Variants in CPXM2 observed in about 807,000 individuals in gnomAD.
CPXM2 encodes the protein carboxypeptidase X, M14 family member 2, also known as inactive carboxypeptidase-like protein X2.
Under a neutral mutation model 86.1 loss-of-function variants are expected in CPXM2, and 66 were observed. The observed-to-expected ratio is 0.77, with a 90% CI of 0.63 to 0.94. CPXM2 has a LOEUF of 0.94. Among genes scored for constraint, CPXM2 ranks in the 40% least tolerant of loss-of-function variants. The pLI, the probability that CPXM2 is intolerant of heterozygous loss-of-function variation, is 0.00. For missense variants in CPXM2, 948 were observed against 1,026.3 expected (o/e 0.92, Z 1.04); for synonymous variants, 388 against 400.2 (o/e 0.97, Z 0.36).
chr10:123,872,750 C>T (rs1428503797), intron 2 of CPXM2, among the ~76,000 whole-genome samples: 2 of 152,108 alleles, frequency 1.3e-5, no homozygotes, highest in East Asian at 1.9e-4. Context: ...AATGTACAGT[C>T]TGTGCAGAAC....
At chr10:123,750,970 G>A in intron 13 of CPXM2, 1 of 985,370 alleles carries the variant, frequency 1.0e-6, no homozygotes. Flanking sequence ...ATGCAGTGTT[G>A]GGCTGTTGTC....
chr10:123,846,996 T>G (rs1564795750), intron 3 of CPXM2, among the ~76,000 whole-genome samples: 1 of 152,188 alleles, frequency 6.6e-6, no homozygotes, highest in African/African-American at 2.4e-5. Context: ...ATTTCCTGAC[T>G]CAAAATTAAA....
chr10:123,841,738 C>T (rs536403219), intron 4 of CPXM2, among the ~76,000 whole-genome samples: 6 of 152,182 alleles, frequency 3.9e-5, no homozygotes, highest in East Asian at 1.9e-4. Context: ...TGTCATAAGA[C>T]GGAGGGTTTT....
intron 2 of CPXM2, among the ~76,000 whole-genome samples, chr10:123,867,640 C>A (rs1007246982): frequency 2.7e-5 from 4 of 147,276 alleles, no homozygotes; most frequent in African/African-American, 1.0e-4. Context: ...TCAAGCAATT[C>A]TCCTGCTTCA....
chr10:123,768,421 A>G, intron 9 of CPXM2, 105 bp downstream of exon 9: 4 of 522,910 alleles, frequency 7.6e-6, no homozygotes, highest in Non-Finnish European at 1.2e-5. Flanking sequence ...ATAAATAAAT[A>G]AAGCTCGGAA....
intron 2 of CPXM2, among the ~76,000 whole-genome samples, chr10:123,898,166 C>T (rs948872805): frequency 6.6e-6 from 1 of 152,132 alleles, no homozygotes; most frequent in Admixed American, 6.5e-5. Context: ...AACTAATGAA[C>T]CTAATGACTT....
At position 123,891,625 on chromosome 10, in the gene CPXM2, G is replaced by T. The variant is rs201350090; in HGVS notation, c.35C>A (p.Ala12Asp). ...CAGGGTCACTGCCAGGAGCACCAGGGCCAGCGCTGGGGTAGCGGTCCCCGG... is the reference window on the plus strand; with the variant it reads ...CAGGGTCACTGCCAGGAGCACCAGGTCCAGCGCTGGGGTAGCGGTCCCCGG... Reference protein sequence around the residue: ...SRPGTATPALALVLLAVTLAG... With the variant: ...SRPGTATPALDLVLLAVTLAG... Residue 12 changes from alanine (A) to aspartate (D), a missense_variant, in exon 1 of 14, where the codon GCC (alanine) becomes GAC (aspartate). Physicochemically the swap from Ala to Asp is moderately radical, Grantham distance 126. Transcript: ENST00000241305. The surrounding 1 kb of genome is among the most constrained non-coding windows in gnomAD (Gnocchi z 5.6). 8.1e-6 allele frequency: 12 copies of T among 1,479,700 alleles called. No individual in the cohort carries two copies. Among genetic ancestry groups the T allele is most frequent in the South Asian group, 2.7e-5 (2 of 73,586 alleles). 91.7% of individuals were successfully genotyped at this position (1,479,700 alleles called of 1,614,324 possible). A position where few individuals can be genotyped will look rare whatever the true frequency, so the allele number is the denominator to read the frequency against.
chr10:123,790,174 C>T (rs963223763), intron 6 of CPXM2, among the ~76,000 whole-genome samples: 14 of 151,976 alleles, frequency 9.2e-5, no homozygotes, highest in African/African-American at 3.1e-4. Context: ...GCCGGAGTGG[C>T]GGGAAAGGTG....
At chr10:123,800,888 G>T (rs1412627263) in intron 4 of CPXM2, among the ~76,000 whole-genome samples, 1 of 152,058 alleles carries the variant, frequency 6.6e-6, no homozygotes, top group East Asian at 1.9e-4. Context: ...ATATCCTCCT[G>T]CCTAGTTGAC....
At chr10:123,862,754 C>T (rs771204006) in intron 2 of CPXM2, 31 bp from the exon 3 acceptor site, 86 of 1,563,846 alleles carry the variant, frequency 5.5e-5, no homozygotes, top group East Asian at 3.8e-4. Flanking sequence ...TTAAAAACAA[C>T]GACAGATGCT....
At chr10:123,878,075 T>A (rs530164041) in intron 2 of CPXM2, among the ~76,000 whole-genome samples, 2 of 152,066 alleles carry the variant, frequency 1.3e-5, no homozygotes, top group East Asian at 3.9e-4. Context: ...GCAACCTGAG[T>A]AGATCCTGAC....
chr10:123,841,042 G>A (rs913794620), intron 4 of CPXM2, among the ~76,000 whole-genome samples: 8 of 152,336 alleles, frequency 5.3e-5, no homozygotes, highest in African/African-American at 1.7e-4. Context: ...GACTGCAGAC[G>A]GGAGGGATCT....
At chr10:123,868,050 G>A (rs1438843817) in intron 2 of CPXM2, among the ~76,000 whole-genome samples, 2 of 152,214 alleles carry the variant, frequency 1.3e-5, no homozygotes, top group East Asian at 3.8e-4. Context: ...CAGAGCCACA[G>A]GGGCTAGGGT....
chr10:123,852,605 T>C (rs559737858), intron 3 of CPXM2, among the ~76,000 whole-genome samples: 2 of 152,288 alleles, frequency 1.3e-5, no homozygotes, highest in East Asian at 1.9e-4. Flanking sequence ...CTCCCCTAAT[T>C]GGCTCACGGC....
intron 4 of CPXM2, among the ~76,000 whole-genome samples, chr10:123,802,404 T>C (rs999528177): frequency 1.3e-5 from 2 of 152,222 alleles, no homozygotes; most frequent in African/African-American, 4.8e-5. Context: ...TTGTCCTAGG[T>C]TTATAAAGGC....
chr10:123,847,891 T>C (rs940323753), intron 3 of CPXM2, among the ~76,000 whole-genome samples: 3 of 152,152 alleles, frequency 2.0e-5, no homozygotes, highest in Non-Finnish European at 2.9e-5. Context: ...TGATCTGCAC[T>C]GTACATATTT....
chr10:123,930,298 C>G (rs947673433), intron 2 of CPXM2, among the ~76,000 whole-genome samples: 1 of 152,266 alleles, frequency 6.6e-6, no homozygotes, highest in African/African-American at 2.4e-5. Context: ...TTGAGACTTT[C>G]TGTTTGCTCC....
At chr10:123,914,214 T>A in intron 2 of CPXM2, 1 of 395,364 alleles carries the variant, frequency 2.5e-6, no homozygotes, top group South Asian at 1.9e-5. Flanking sequence ...ATGAGTCTAC[T>A]TCTTAATCTC....
chr10:123,816,378 T>C (rs1165924324), intron 4 of CPXM2, among the ~76,000 whole-genome samples: 4 of 152,310 alleles, frequency 2.6e-5, no homozygotes, highest in South Asian at 2.1e-4. Flanking sequence ...TGGAAGCCTT[T>C]AGAGCTGCCT....
Sources: gnomAD v4.1 joint callset for allele counts (sites outside exome capture counted in the v4.1 genomes callset) on GRCh38, gnomAD v4.1.1 for gene constraint, Gnocchi (gnomAD v3.1) non-coding constraint, MANE v1.5 for transcripts, NCBI Gene and HGNC (gene_info 2026-07-23, HGNC 2026-07-21) for gene names.